Variants in IMPG1 observed in about 807,000 individuals in gnomAD.
IMPG1 encodes interphotoreceptor matrix proteoglycan of 150 kDa.
In IMPG1, 85 loss-of-function variants were observed where a neutral mutation model predicts 92.0. The observed-to-expected ratio is 0.92, with a 90% CI of 0.78 to 1.11. IMPG1 has a LOEUF of 1.11. Ranked by LOEUF, IMPG1 falls within the 50% of genes least tolerant of loss-of-function variation. The pLI is 0.00. For missense variants in IMPG1, 1,022 were observed against 956.0 expected, an observed-to-expected ratio of 1.07 and a Z score of -0.91; for synonymous variants, 367 against 334.1, an observed-to-expected ratio of 1.10 and a Z score of -1.08.
In IMPG1 at chr6:75,951,092, T is replaced by C; in HGVS notation, c.1294A>G (p.Thr432Ala). 6.3e-7 allele frequency: 1 copy of C among 1,598,978 alleles called. No homozygotes were observed. The highest frequency in any genetic ancestry group is 1.7e-5 in the Admixed American group (1 of 57,742). Residue 432 changes from threonine to alanine, a missense_variant and splice_region_variant, in exon 13 of 17, where the codon ACT becomes GCT. Physicochemically the swap from Thr to Ala is moderately conservative, Grantham distance 58. Around this residue, in one of 3 missense-constraint regions of IMPG1, gnomAD observed 681 missense variants for 583.6 expected, o/e 1.17. Transcript: ENST00000369950. ...GCCATAGCAGGTGGAGACCAAGAAGTGTCTGTGGAGGAAGTACAATTTCAT... is the reference window on the plus strand; with the variant it reads ...GCCATAGCAGGTGGAGACCAAGAAGCGTCTGTGGAGGAAGTACAATTTCAT... ...VDGAEHGLPD[T>A]SWSPPAMAST...
intron 15 of IMPG1, among the ~76,000 whole-genome samples, chr6:75,925,757 C>G (rs913919167): frequency 3.2e-4 from 48 of 152,130 alleles, no homozygotes; most frequent in African/African-American, 1.1e-3. Context: ...CCTCCATCTC[C>G]CAGGTTCAAG....
chr6:75,946,437 A>G (rs1781930764), intron 14 of IMPG1, among the ~76,000 whole-genome samples: 1 of 152,170 alleles, frequency 6.6e-6, no homozygotes, highest in Admixed American at 6.5e-5. Flanking sequence ...TTCATAGCCA[A>G]TTAGGAAGCT....
intron 4 of IMPG1, among the ~76,000 whole-genome samples, chr6:76,030,967 A>G (rs895369938): frequency 6.6e-6 from 1 of 152,016 alleles, no homozygotes; most frequent in Non-Finnish European, 1.5e-5. Context: ...TTTGGTGCGG[A>G]ACCTGGGATT....
At chr6:75,922,924 G>A (rs907961091) in intron 16 of IMPG1, among the ~76,000 whole-genome samples, 1 of 151,684 alleles carries the variant, frequency 6.6e-6, no homozygotes, top group African/African-American at 2.4e-5. Context: ...ATCCAGCACT[G>A]TAGACTTTAG....
At chr6:75,929,155 A>C (rs142960666) in intron 15 of IMPG1, among the ~76,000 whole-genome samples, 4 of 150,480 alleles carry the variant, frequency 2.7e-5, no homozygotes, top group African/African-American at 9.7e-5. Context: ...GTCAAATTTA[A>C]AATTTTATAG....
intron 12 of IMPG1, among the ~76,000 whole-genome samples, chr6:75,989,225 A>G (rs1462626566): frequency 1.3e-5 from 2 of 152,174 alleles, no homozygotes; most frequent in East Asian, 3.9e-4. Context: ...AGTAGTAATT[A>G]CAGGCATGTG....
At chr6:75,965,598 T>G (rs1782292878) in intron 12 of IMPG1, among the ~76,000 whole-genome samples, 1 of 142,088 alleles carries the variant, frequency 7.0e-6, no homozygotes, top group Admixed American at 7.7e-5. Context: ...ATTTTCTACA[T>G]ACTTGTTCTT....
chr6:75,976,330 C>G (rs994236253), intron 12 of IMPG1, among the ~76,000 whole-genome samples: 2 of 151,536 alleles, frequency 1.3e-5, no homozygotes, highest in South Asian at 4.2e-4. Context: ...TTTGGGAGAC[C>G]AAGGCAGGCC....
At chr6:75,980,149 A>C (rs942667660) in intron 12 of IMPG1, among the ~76,000 whole-genome samples, 1 of 152,218 alleles carries the variant, frequency 6.6e-6, no homozygotes, top group African/African-American at 2.4e-5. Flanking sequence ...GTGCCACAAA[A>C]TGTGAAAATT....
At chr6:75,944,899 C>T (rs759421117) in intron 14 of IMPG1, among the ~76,000 whole-genome samples, 1 of 96,700 alleles carries the variant, frequency 1.0e-5, no homozygotes, top group Non-Finnish European at 2.3e-5. Context: ...GTCCAGCAGG[C>T]ACTGGCTTTC....
chr6:75,970,327 A>G (rs763377121), intron 12 of IMPG1, among the ~76,000 whole-genome samples: 2 of 151,770 alleles, frequency 1.3e-5, no homozygotes, highest in Non-Finnish European at 2.9e-5. Flanking sequence ...ATGAAATTCA[A>G]ACTTCTTTTT....
At chr6:75,940,007 T>C (rs1389523970) in intron 14 of IMPG1, among the ~76,000 whole-genome samples, 1 of 152,250 alleles carries the variant, frequency 6.6e-6, no homozygotes, top group Non-Finnish European at 1.5e-5. Context: ...TCTACTCTTT[T>C]CACTCACAGC....
chr6:76,071,214 T>G (rs1426166099), intron 1 of IMPG1, among the ~76,000 whole-genome samples: 1 of 148,774 alleles, frequency 6.7e-6, no homozygotes, highest in East Asian at 1.9e-4. Context: ...TTGTGTATAA[T>G]AGCTGATATG....
chr6:76,065,917 C>T (rs1784301349), intron 1 of IMPG1, among the ~76,000 whole-genome samples: 1 of 152,032 alleles, frequency 6.6e-6, no homozygotes, highest in Admixed American at 6.6e-5. Flanking sequence ...GACTGAGGTC[C>T]TATTTTCAGA....
At chr6:76,016,760 A>G (rs1783297177) in intron 7 of IMPG1, among the ~76,000 whole-genome samples, 1 of 152,112 alleles carries the variant, frequency 6.6e-6, no homozygotes, top group Non-Finnish European at 1.5e-5. Context: ...GGATGCTTCT[A>G]TTTTCAGTTG....
intron 4 of IMPG1, 131 bp from the exon 5 acceptor site, chr6:76,025,389 G>A: frequency 2.1e-6 from 1 of 465,734 alleles, no homozygotes; most frequent in Non-Finnish European, 3.8e-6. Flanking sequence ...AAACTAGATT[G>A]ACCTATTTTT....
intron 12 of IMPG1, among the ~76,000 whole-genome samples, chr6:75,977,536 A>AAG (rs1207235069): frequency 1.3e-5 from 2 of 151,736 alleles, no homozygotes; most frequent in African/African-American, 4.8e-5. Context: ...GTGGTGAGCC[A>AAG]AGATTGCACC....
chr6:75,979,950 A>C (rs145569136), intron 12 of IMPG1, among the ~76,000 whole-genome samples: 176 of 152,346 alleles, frequency 1.2e-3, no homozygotes, highest in African/African-American at 4.1e-3. Flanking sequence ...AAAGTATTTG[A>C]AATAAGAAAA....
chr6:75,964,182 T>G (rs991763695), intron 12 of IMPG1, among the ~76,000 whole-genome samples: 4 of 152,198 alleles, frequency 2.6e-5, no homozygotes, highest in African/African-American at 9.7e-5. Context: ...CATCTCTGTC[T>G]GACCTTCAAA....
Sources: gnomAD v4.1 joint callset for allele counts (sites outside exome capture counted in the v4.1 genomes callset) on GRCh38, gnomAD v4.1.1 for gene constraint, gnomAD v4.1.1 regional missense constraint, MANE v1.5 for transcripts, NCBI Gene and HGNC (gene_info 2026-07-23, HGNC 2026-07-21) for gene names.